Variants in TAX1BP1 observed in about 807,000 individuals in gnomAD.
TAX1BP1 encodes the protein tax1-binding protein 1.
Under a neutral mutation model 97.7 loss-of-function variants are expected in TAX1BP1, and 62 were observed. The ratio of observed to expected loss-of-function variants is 0.63; its 90% CI spans 0.52 to 0.78. The LOEUF (loss-of-function observed/expected upper bound fraction) is 0.78. Among genes scored for constraint, TAX1BP1 ranks in the 30% least tolerant of loss-of-function variants. TAX1BP1 has a pLI of 0.00. For synonymous variants in TAX1BP1, 340 were observed against 304.2 expected, an observed-to-expected ratio of 1.12 and a Z score of -1.23; for missense variants, 867 against 916.1, an observed-to-expected ratio of 0.95 and a Z score of 0.69.
chr7:27,768,234 G>A (rs1788715444), intron 4 of TAX1BP1, among the ~76,000 whole-genome samples: 1 of 151,832 alleles, frequency 6.6e-6, no homozygotes, highest in South Asian at 2.1e-4. Context: ...GAAGAAAAAA[G>A]GATACATAAA....
intron 2 of TAX1BP1, among the ~76,000 whole-genome samples, chr7:27,757,535 G>C (rs1468443): frequency 0.92 from 140,417 of 152,144 alleles, 64,995 homozygotes; most frequent in East Asian, 1. Context: ...TTTGATATAT[G>C]TGAAAATTCT....
At chr7:27,786,278 C>A (rs1789477664) in intron 7 of TAX1BP1, among the ~76,000 whole-genome samples, 1 of 151,840 alleles carries the variant, frequency 6.6e-6, no homozygotes. Flanking sequence ...ACTACAGGTG[C>A]CCGCGACCAC....
At chr7:27,795,164 C>T (rs1373475868) in intron 11 of TAX1BP1, among the ~76,000 whole-genome samples, 3 of 152,130 alleles carry the variant, frequency 2.0e-5, no homozygotes, top group African/African-American at 7.2e-5. Flanking sequence ...TAAATGTAAA[C>T]ATCTTAGACT....
intron 7 of TAX1BP1, among the ~76,000 whole-genome samples, chr7:27,786,024 A>G (rs1206254029): frequency 6.6e-6 from 1 of 152,156 alleles, no homozygotes; most frequent in Non-Finnish European, 1.5e-5. Flanking sequence ...GAGAACATTA[A>G]TTTAGTAATA....
intron 3 of TAX1BP1, among the ~76,000 whole-genome samples, chr7:27,763,527 G>A (rs1788507796): frequency 6.6e-6 from 1 of 152,174 alleles, no homozygotes; most frequent in South Asian, 2.1e-4. Context: ...AGCACTTTGG[G>A]AGGCCGGGGC....
chr7:27,791,932 G>C, intron 8 of TAX1BP1, 74 bp from the exon 9 acceptor site: 1 of 1,445,792 alleles, frequency 6.9e-7, no homozygotes, highest in East Asian at 2.4e-5. Context: ...GTTGAAATAT[G>C]TGCGAAAATT....
chr7:27,766,849 C>T (rs969118482), intron 4 of TAX1BP1, among the ~76,000 whole-genome samples: 5 of 152,110 alleles, frequency 3.3e-5, no homozygotes, highest in Admixed American at 2.0e-4. Flanking sequence ...TTCCCAGTCT[C>T]TTAATTTAGA....
intron 2 of TAX1BP1, among the ~76,000 whole-genome samples, chr7:27,754,673 C>T (rs979927248): frequency 1.3e-5 from 2 of 151,890 alleles, no homozygotes; most frequent in Non-Finnish European, 2.9e-5. Context: ...CCTGGGTTCA[C>T]GCCATTCTCC....
chr7:27,792,118 G>T lies in TAX1BP1; in HGVS notation c.1151G>T (p.Arg384Leu), dbSNP rs751405236. 2.5e-6 allele frequency: 4 copies of T among 1,613,930 alleles called. No homozygotes were observed. In the African/African-American group the frequency reaches 4.0e-5, roughly 16 times the overall value. The change falls in exon 9 of 17, where the codon CGA (arginine) becomes CTA (leucine). Residue 384 changes from arginine (R) to leucine (L), a missense_variant. Arg to Leu is a moderately radical substitution (Grantham distance 102, BLOSUM62 -2). Transcript: ENST00000396319. ...GAACTCAGTGATGCTGTCAACGTAC[G>T]AGACAGAACGATGGCAGACCTGCAT... is the stretch of plus-strand genomic sequence containing the variant. ...AKELSDAVNV[R>L]DRTMADLHTA...
chr7:27,813,319 G>A (rs1054671154), intron 13 of TAX1BP1, among the ~76,000 whole-genome samples: 15 of 150,730 alleles, frequency 1.0e-4, no homozygotes, highest in African/African-American at 3.7e-4. Flanking sequence ...CACTGTACCT[G>A]GCTAAATTTT....
intron 2 of TAX1BP1, among the ~76,000 whole-genome samples, chr7:27,752,360 A>G (rs920138768): frequency 4.6e-5 from 7 of 152,194 alleles, no homozygotes; most frequent in Non-Finnish European, 7.3e-5. Context: ...GAATAATGTC[A>G]TAGGGAATCG....
intron 3 of TAX1BP1, among the ~76,000 whole-genome samples, chr7:27,763,767 C>CAAAAAAAAAAAAAAAAAAAAAAAAAA (rs575118347): frequency 2.5e-5 from 3 of 118,776 alleles, no homozygotes; most frequent in African/African-American, 6.3e-5. Context: ...GACTCTGTCT[C>CAAAAAAAAAAAAAAAAAAAAAAAAAA]AAAAAAAAAA....
At chr7:27,743,487 C>T (rs1461859746) in intron 1 of TAX1BP1, among the ~76,000 whole-genome samples, 2 of 152,188 alleles carry the variant, frequency 1.3e-5, no homozygotes, top group Non-Finnish European at 1.5e-5. Context: ...TGAATTACAA[C>T]ACTTCTAAGG....
chr7:27,761,169 A>G (rs1451674067), intron 3 of TAX1BP1, among the ~76,000 whole-genome samples: 4 of 152,192 alleles, frequency 2.6e-5, no homozygotes, highest in African/African-American at 7.2e-5. Flanking sequence ...GTTTAATTTT[A>G]AAAAATTAAC....
chr7:27,804,901 C>A (rs1040171175), intron 13 of TAX1BP1, among the ~76,000 whole-genome samples: 1 of 152,098 alleles, frequency 6.6e-6, no homozygotes, highest in Non-Finnish European at 1.5e-5. Context: ...ATTATACATA[C>A]CATAATTTAT....
At chr7:27,813,879 T>C (rs1245721179) in intron 13 of TAX1BP1, among the ~76,000 whole-genome samples, 1 of 152,188 alleles carries the variant, frequency 6.6e-6, no homozygotes, top group African/African-American at 2.4e-5. Flanking sequence ...TTTCTTTCAA[T>C]TTATGTGTAG....
intron 3 of TAX1BP1, among the ~76,000 whole-genome samples, chr7:27,760,615 C>A (rs910091979): frequency 6.6e-6 from 1 of 151,690 alleles, no homozygotes; most frequent in Non-Finnish European, 1.5e-5. Context: ...AGGGTGGTCT[C>A]GATCTCCTGA....
At position 27,769,725 on chromosome 7, in the gene TAX1BP1, T is replaced by C. The variant is rs925341163; in HGVS notation, c.503T>C (p.Ile168Thr). The C allele has an allele frequency of 4.0e-5, 65 of 1,612,242 alleles. No individual in the cohort carries two copies. Among genetic ancestry groups the C allele is most frequent in the Non-Finnish European group, 5.2e-5 (61 of 1,179,020 alleles). ...GAAAAAGAAGAACTGTTAAAGTTAA[T>C]TGCCGTTCTGGAAAAAGAAACAGCA... is the stretch of plus-strand genomic sequence containing the variant. ...MKEKEELLKL[I>T]AVLEKETAQL... The change falls in exon 5 of 17, where the codon ATT becomes ACT. Residue 168 changes from isoleucine to threonine, a missense_variant. Around this residue, in one of 3 missense-constraint regions of TAX1BP1, gnomAD observed 822 missense variants for 851.4 expected, o/e 0.97. Coordinates refer to ENST00000396319, the MANE Select transcript of TAX1BP1 (RefSeq NM_006024.7).
chr7:27,748,274 G>GT (rs1336046475), intron 1 of TAX1BP1, among the ~76,000 whole-genome samples: 3 of 152,012 alleles, frequency 2.0e-5, no homozygotes, highest in African/African-American at 4.8e-5. Flanking sequence ...TTTGGTTTTG[G>GT]TTTTTTAACT....
Sources: gnomAD v4.1 joint callset for allele counts (sites outside exome capture counted in the v4.1 genomes callset) on GRCh38, gnomAD v4.1.1 for gene constraint, gnomAD v4.1.1 regional missense constraint, MANE v1.5 for transcripts, NCBI Gene and HGNC (gene_info 2026-07-23, HGNC 2026-07-21) for gene names.